C1orf198: variants seen among roughly 807,000 people sequenced by gnomAD.
The protein encoded by C1orf198 is chromosome 1 open reading frame 198, also known as uncharacterized protein C1orf198.
Under a neutral mutation model 31.4 loss-of-function variants are expected in C1orf198, and 17 were observed. The ratio of observed to expected loss-of-function variants is 0.54; its 90% CI spans 0.37 to 0.81. The LOEUF (loss-of-function observed/expected upper bound fraction) is 0.81. Among genes scored for constraint, C1orf198 ranks in the 40% least tolerant of loss-of-function variants. The pLI is 0.00. For synonymous variants in C1orf198, 175 were observed against 193.8 expected (o/e 0.90, Z 0.81); for missense variants, 401 against 450.3 (o/e 0.89, Z 0.99).
At chr1:230,865,776 T>C (rs1670105585) in intron 1 of C1orf198, among the ~76,000 whole-genome samples, 1 of 152,216 alleles carries the variant, frequency 6.6e-6, no homozygotes, top group South Asian at 2.1e-4. Flanking sequence ...TATAATCAAT[T>C]TCTATTTGTT....
rs56939675 is a variant in C1orf198, at chr1:230,854,499, G to A, written c.384+1169C>T. 4.6e-3 allele frequency among the ~76,000 whole-genome samples: 698 copies of A among 152,208 alleles called. 6 individuals carry two copies. Among genetic ancestry groups the A allele is most frequent in the African/African-American group, 0.015 (625 of 41,516 alleles). ...TTGTGCTCTCTCCCAAGACAGTGCT[G>A]GTCACCCCTGCAACCCGTACCCGAT... On this transcript the variant is annotated intron_variant, in intron 2 of 3. Coordinates refer to ENST00000366663, the MANE Select transcript of C1orf198 (RefSeq NM_032800.3).
chr1:230,847,587 G>C (rs1669628279), intron 2 of C1orf198, among the ~76,000 whole-genome samples: 1 of 152,172 alleles, frequency 6.6e-6, no homozygotes, highest in South Asian at 2.1e-4. Context: ...ATCCATGGAA[G>C]CTGCCGGGAG....
rs962512706 is a variant in C1orf198 at position 230,853,838 on chromosome 1, A to T, written c.384+1830T>A. Among the ~76,000 whole-genome samples the T allele has an allele frequency of 7.2e-4, 110 of 152,190 alleles. 1 individual carries two copies. Among genetic ancestry groups the T allele is most frequent in the Non-Finnish European group, 1.8e-4 (12 of 68,032 alleles). On this transcript the variant is annotated intron_variant, in intron 2 of 3. Coordinates refer to ENST00000366663, the MANE Select transcript of C1orf198 (RefSeq NM_032800.3). ...CCAGATATGCTGGCATCTGTGGACA[A>T]TGAGCCTCTCAGCACAAGTGTGATT...
Position 230,843,751 on chromosome 1 carries a change from T to C in C1orf198, c.530A>G (p.Asp177Gly). The change falls in exon 3 of 4, where the codon GAC becomes GGC. Residue 177 changes from aspartate (D) to glycine (G), a missense_variant. Transcript: ENST00000366663. This position sits in a 1 kb window ranked among gnomAD's most constrained non-coding sequence, Gnocchi z 4.9. ...SSQGSRSSSL[D>G]ALGPTRKEEE... is the part of the protein sequence containing the mutation. ...CTCCTTCCTGGTGGGGCCCAGGGCG[T>C]CCAGGCTGGAGGACCTGCTGCCTTG... The C allele has an allele frequency of 6.2e-7, 1 of 1,613,882 alleles. No homozygotes were observed. Among genetic ancestry groups the C allele is most frequent in the South Asian group, 1.1e-5 (1 of 91,064 alleles).
intron 3 of C1orf198, among the ~76,000 whole-genome samples, chr1:230,841,581 G>C (rs750815380): frequency 6.6e-6 from 1 of 152,176 alleles, no homozygotes; most frequent in African/African-American, 2.4e-5. Flanking sequence ...TCTAAACCAC[G>C]GTGAGACACC....
chr1:230,859,666 C>T (rs1669965190), intron 1 of C1orf198, among the ~76,000 whole-genome samples: 1 of 152,154 alleles, frequency 6.6e-6, no homozygotes, highest in Non-Finnish European at 1.5e-5. Flanking sequence ...GCCAGCGCTA[C>T]ATGTAAGAGG....
rs183367584 is a variant in C1orf198 at position 230,853,298 on chromosome 1, C to T, written c.384+2370G>A. ...GTTGAGAGGTAACAAGAAATGGGGT[C>T]CAAGTCTCCCTCCAGTCCTGCAATT... On this transcript the variant is annotated intron_variant, in intron 2 of 3. Transcript: ENST00000366663. 1.1e-4 allele frequency among the ~76,000 whole-genome samples: 17 copies of T among 152,192 alleles called. No homozygotes were observed. The East Asian group carries it at 3.3e-3, about 29-fold the overall frequency.
intron 1 of C1orf198, among the ~76,000 whole-genome samples, chr1:230,861,189 G>T (rs548713833): frequency 1.3e-5 from 2 of 152,200 alleles, no homozygotes; most frequent in Admixed American, 1.3e-4. Context: ...CAGAGACTTC[G>T]GTTGACAATG....
intron 2 of C1orf198, among the ~76,000 whole-genome samples, chr1:230,846,923 G>A (rs1669603286): frequency 6.6e-6 from 1 of 152,002 alleles, no homozygotes; most frequent in Admixed American, 6.5e-5. Flanking sequence ...CTAAAACGGT[G>A]AAACCCCGTC....
chr1:230,851,084 C>T (rs949216163), intron 2 of C1orf198, among the ~76,000 whole-genome samples: 1 of 152,064 alleles, frequency 6.6e-6, no homozygotes, highest in African/African-American at 2.4e-5. Flanking sequence ...AGAGGAAGGG[C>T]CTGTGCTCAT....
chr1:230,861,399 C>T (rs758421032), intron 1 of C1orf198, among the ~76,000 whole-genome samples: 13 of 152,084 alleles, frequency 8.5e-5, no homozygotes, highest in Admixed American at 2.6e-4. Flanking sequence ...AAGTGTGCCC[C>T]CCCCAAAAAA....
In C1orf198 at chr1:230,843,657, C is replaced by A; in HGVS notation, c.624G>T (p.Gln208His). The change falls in exon 3 of 4, where the codon CAG becomes CAT. Residue 208 changes from glutamine to histidine, a missense_variant. Coordinates refer to ENST00000366663, the MANE Select transcript of C1orf198 (RefSeq NM_032800.3). The surrounding 1 kb of genome is among the most constrained non-coding windows in gnomAD (Gnocchi z 4.9). ...ACTTGATCTGGCTAGGGGTCAGCGACTGGAACTCGGCCTCAGGCCCCTCCC... is the reference window on the plus strand; with the variant it reads ...ACTTGATCTGGCTAGGGGTCAGCGAATGGAACTCGGCCTCAGGCCCCTCCC... ...SRGEGPEAEF[Q>H]SLTPSQIKSM... The A allele has an allele frequency of 6.2e-7, 1 of 1,614,222 alleles. No individual in the cohort carries two copies. The highest frequency in any genetic ancestry group is 1.6e-4 in the Middle Eastern group (1 of 6,062).
At chr1:230,845,919 T>C (rs1669578491) in intron 2 of C1orf198, among the ~76,000 whole-genome samples, 1 of 152,220 alleles carries the variant, frequency 6.6e-6, no homozygotes, top group South Asian at 2.1e-4. Flanking sequence ...GTATTGCTTT[T>C]TCACTTAATC....
intron 2 of C1orf198, among the ~76,000 whole-genome samples, chr1:230,849,045 C>T (rs959688221): frequency 1.6e-4 from 24 of 152,166 alleles, no homozygotes; most frequent in African/African-American, 5.8e-4. Flanking sequence ...AAAGACACAC[C>T]GACATGCAGA....
intron 2 of C1orf198, among the ~76,000 whole-genome samples, chr1:230,847,533 G>A (rs942473602): frequency 1.3e-5 from 2 of 152,126 alleles, no homozygotes; most frequent in Non-Finnish European, 2.9e-5. Context: ...TCCATGGCTG[G>A]GCATCCCTGC....
intron 3 of C1orf198, among the ~76,000 whole-genome samples, chr1:230,841,667 A>G (rs1195800346): frequency 1.3e-5 from 2 of 152,208 alleles, no homozygotes; most frequent in Non-Finnish European, 2.9e-5. Context: ...AGAAACGCGA[A>G]CCCACATTGA....
In C1orf198 at chr1:230,843,679, T is replaced by C; in HGVS notation, c.602A>G (p.Glu201Gly). 6.2e-7 allele frequency: 1 copy of C among 1,614,058 alleles called. No homozygotes were observed. The highest frequency in any genetic ancestry group is 1.6e-4 in the Middle Eastern group (1 of 6,062). The change falls in exon 3 of 4, where the codon GAG becomes GGG. Residue 201 changes from glutamate to glycine, a missense_variant. By Grantham distance (98) the Glu-to-Gly change is moderately conservative (BLOSUM62 -2). Transcript: ENST00000366663. This position sits in a 1 kb window ranked among gnomAD's most constrained non-coding sequence, Gnocchi z 4.9. ...WKINAERSRGEGPEAEFQSLT... is the reference protein window; with the variant it reads ...WKINAERSRGGGPEAEFQSLT... ...CGACTGGAACTCGGCCTCAGGCCCC[T>C]CCCCTCGGGACCGCTCAGCATTGAT...
rs758763262 is a variant in C1orf198, at chr1:230,839,466, G to A, written c.*386C>T. On this transcript the variant is annotated 3_prime_UTR_variant, in exon 4 of 4. Transcript: ENST00000366663. ...AAAAGGAACCCATACGGTAAAAAGC[G>A]GAGGGGGGAGGGGGAATAATGGAGA... The A allele has an allele frequency of 4.3e-4, 90 of 210,018 alleles. No homozygotes were observed. The highest frequency in any genetic ancestry group is 3.8e-3 in the Middle Eastern group (2 of 532). 13.0% of individuals were successfully genotyped at this position (210,018 alleles called of 1,614,324 possible).
intron 1 of C1orf198, among the ~76,000 whole-genome samples, chr1:230,860,526 T>G (rs553773952): frequency 6.6e-6 from 1 of 152,300 alleles, no homozygotes; most frequent in Admixed American, 6.5e-5. Context: ...TATTATTCAG[T>G]CTTAAAAAGG....
Sources: gnomAD v4.1 joint callset for allele counts (sites outside exome capture counted in the v4.1 genomes callset) on GRCh38, gnomAD v4.1.1 for gene constraint, Gnocchi (gnomAD v3.1) non-coding constraint, MANE v1.5 for transcripts, NCBI Gene and HGNC (gene_info 2026-07-23, HGNC 2026-07-21) for gene names.